PAWR: variants seen among roughly 807,000 people sequenced by gnomAD.
PAWR encodes the protein PRKC apoptosis WT1 regulator protein.
Under a neutral mutation model 32.0 loss-of-function variants are expected in PAWR, and 23 were observed. The ratio of observed to expected loss-of-function variants is 0.72; its 90% CI spans 0.52 to 1.02. PAWR has a LOEUF of 1.02. PAWR is among the 50% of genes least tolerant of loss of function. The probability of loss-of-function intolerance (pLI) is 0.00; values close to 1 mark genes in which losing one functional copy is unlikely to be tolerated. For synonymous variants in PAWR, 226 were observed against 187.1 expected, an observed-to-expected ratio of 1.21 and a Z score of -1.70; for missense variants, 457 against 437.7, an observed-to-expected ratio of 1.04 and a Z score of -0.39.
At chr12:79,597,488 G>A (rs1195333860) in intron 4 of PAWR, among the ~76,000 whole-genome samples, 1 of 151,986 alleles carries the variant, frequency 6.6e-6, no homozygotes, top group Non-Finnish European at 1.5e-5. Flanking sequence ...AGTTAAAAAG[G>A]TCATACAAAA....
chr12:79,660,688 A>G (rs1877306271), intron 2 of PAWR, among the ~76,000 whole-genome samples: 1 of 148,834 alleles, frequency 6.7e-6, no homozygotes, highest in Non-Finnish European at 1.5e-5. Flanking sequence ...GGTTCAAGTG[A>G]TTCTCCTGCC....
chr12:79,653,885 G>A (rs1363994356), intron 2 of PAWR, among the ~76,000 whole-genome samples: 1 of 152,140 alleles, frequency 6.6e-6, no homozygotes, highest in Admixed American at 6.5e-5. Context: ...GTAGACAACA[G>A]GAATTCATTT....
intron 2 of PAWR, among the ~76,000 whole-genome samples, chr12:79,623,808 AC>A (rs942271476): frequency 1.8e-4 from 28 of 152,282 alleles, no homozygotes; most frequent in African/African-American, 5.8e-4. Context: ...CAAAAAAATT[AC>A]TTTTTTAAAA....
intron 2 of PAWR, among the ~76,000 whole-genome samples, chr12:79,632,515 T>C (rs952873003): frequency 3.3e-5 from 5 of 150,414 alleles, no homozygotes; most frequent in South Asian, 2.1e-4. Flanking sequence ...CTTGCCACCA[T>C]GTCTGGCTAA....
intron 2 of PAWR, among the ~76,000 whole-genome samples, chr12:79,639,182 T>A (rs777368603): frequency 6.6e-6 from 1 of 151,490 alleles, no homozygotes; most frequent in Admixed American, 6.6e-5. Flanking sequence ...CAGTGCTGGA[T>A]AGGTGTGACA....
chr12:79,629,253 CA>C (rs1412408239), intron 2 of PAWR, among the ~76,000 whole-genome samples: 1 of 151,966 alleles, frequency 6.6e-6, no homozygotes, highest in Non-Finnish European at 1.5e-5. Context: ...CAACAAGAAA[CA>C]CATTTAAATA....
chr12:79,658,037 G>A (rs1392210675), intron 2 of PAWR, among the ~76,000 whole-genome samples: 3 of 152,146 alleles, frequency 2.0e-5, no homozygotes, highest in African/African-American at 7.2e-5. Flanking sequence ...GAAAGACTAT[G>A]AGGTGGGCAT....
At position 79,638,757 on chromosome 12, in the gene PAWR, C is replaced by T. The variant is rs143457806; in HGVS notation, c.517-17550G>A. 2.1e-5 allele frequency among the ~76,000 whole-genome samples: 3 copies of T among 145,520 alleles called. No homozygotes were observed. The Admixed American group carries it at 2.1e-4, about 10-fold the overall frequency. On this transcript the variant is annotated intron_variant, in intron 2 of 6. Transcript: ENST00000328827. Reference sequence around the variant, plus strand: ...CCAGGGACTCTAGATCTATTGCCTCCCTATCAAGTCCAAATGCTATCATTA... The same window carrying T: ...CCAGGGACTCTAGATCTATTGCCTCTCTATCAAGTCCAAATGCTATCATTA...
intron 2 of PAWR, among the ~76,000 whole-genome samples, chr12:79,632,334 TATATATATATATATATATATA>T (rs1875712846): frequency 1.8e-5 from 1 of 55,084 alleles, no homozygotes; most frequent in African/African-American, 2.3e-4. Context: ...TATATATATA[TATATATATATATATATATATA>T]TATATATTTT....
At chr12:79,604,872 C>T (rs1484792397) in intron 4 of PAWR, among the ~76,000 whole-genome samples, 1 of 152,084 alleles carries the variant, frequency 6.6e-6, no homozygotes, top group Non-Finnish European at 1.5e-5. Flanking sequence ...ATCAGTAATT[C>T]CACTAACCCA....
chr12:79,628,836 T>C (rs569905437), intron 2 of PAWR, among the ~76,000 whole-genome samples: 2 of 152,024 alleles, frequency 1.3e-5, no homozygotes, highest in East Asian at 3.9e-4. Flanking sequence ...TTATAACACA[T>C]GGAAAGGTAA....
At chr12:79,648,373 G>A (rs1461662128) in intron 2 of PAWR, among the ~76,000 whole-genome samples, 1 of 151,938 alleles carries the variant, frequency 6.6e-6, no homozygotes, top group Non-Finnish European at 1.5e-5. Context: ...GGTAAATGAA[G>A]AGTCATACCC....
intron 2 of PAWR, among the ~76,000 whole-genome samples, chr12:79,642,915 G>GA (rs8176836): frequency 6.6e-6 from 1 of 151,968 alleles, no homozygotes; most frequent in African/African-American, 2.4e-5. Flanking sequence ...ACAACTCAAA[G>GA]AAAAAACAAA....
chr12:79,603,281 A>G (rs1874032285), intron 4 of PAWR, among the ~76,000 whole-genome samples: 1 of 151,940 alleles, frequency 6.6e-6, no homozygotes, highest in Admixed American at 6.6e-5. Flanking sequence ...ATTGAGTAAT[A>G]CCAATACATG....
At chr12:79,608,559 C>T (rs971446395) in intron 4 of PAWR, among the ~76,000 whole-genome samples, 2 of 152,202 alleles carry the variant, frequency 1.3e-5, no homozygotes, top group Non-Finnish European at 2.9e-5. Context: ...AGTCCACACC[C>T]TGAGGGGTGG....
intron 2 of PAWR, among the ~76,000 whole-genome samples, chr12:79,687,752 A>G (rs1314099715): frequency 1.3e-5 from 2 of 152,208 alleles, no homozygotes; most frequent in African/African-American, 2.4e-5. Context: ...AAAATGGCTC[A>G]GCTTTAAAGT....
At chr12:79,608,343 C>G (rs917256448) in intron 4 of PAWR, among the ~76,000 whole-genome samples, 2 of 152,146 alleles carry the variant, frequency 1.3e-5, no homozygotes, top group Non-Finnish European at 2.9e-5. Context: ...AACTGTTCCA[C>G]CTCAGATCAT....
At chr12:79,683,408 A>C (rs1878536269) in intron 2 of PAWR, among the ~76,000 whole-genome samples, 1 of 152,154 alleles carries the variant, frequency 6.6e-6, no homozygotes, top group Non-Finnish European at 1.5e-5. Flanking sequence ...TTCTTCCCAA[A>C]CTTTAGTGTG....
chr12:79,677,525 A>C (rs1878229217), intron 2 of PAWR, among the ~76,000 whole-genome samples: 1 of 152,242 alleles, frequency 6.6e-6, no homozygotes, highest in Non-Finnish European at 1.5e-5. Flanking sequence ...TGTACATAGA[A>C]TATAATCCCA....
Sources: allele counts gnomAD v4.1 joint callset (sites outside exome capture counted in the v4.1 genomes callset), GRCh38; gene constraint gnomAD v4.1.1; transcripts MANE v1.5; gene names NCBI Gene and HGNC (gene_info 2026-07-23, HGNC 2026-07-21).